The following SMAD1 variants were observed in gnomAD, a reference collection of about 807,000 sequenced individuals.
SMAD1 encodes the protein SMAD family member 1.
In SMAD1, 6 loss-of-function variants were observed where a neutral mutation model predicts 41.6. The ratio of observed to expected loss-of-function variants is 0.14; its 90% CI spans 0.08 to 0.28. SMAD1 has a LOEUF of 0.28. Ranked by LOEUF, SMAD1 falls within the 10% of genes least tolerant of loss-of-function variation. The pLI, the probability that SMAD1 is intolerant of heterozygous loss-of-function variation, is 1.00. For synonymous variants in SMAD1, 206 were observed against 203.2 expected, an observed-to-expected ratio of 1.01 and a Z score of -0.12; for missense variants, 379 against 582.6, an observed-to-expected ratio of 0.65 and a Z score of 3.60.
At chr4:145,506,691 A>G (rs1271324474) in intron 1 of SMAD1, among the ~76,000 whole-genome samples, 1 of 150,486 alleles carries the variant, frequency 6.6e-6, no homozygotes, top group East Asian at 1.9e-4. Context: ...AGGGTAATTA[A>G]AAAAAAACTT....
intron 5 of SMAD1, among the ~76,000 whole-genome samples, chr4:145,551,331 A>G (rs1732545134): frequency 6.6e-6 from 1 of 152,232 alleles, no homozygotes. Flanking sequence ...ATATATGCAA[A>G]CAGATTAATG....
chr4:145,553,896 T>A lies in SMAD1; in HGVS notation c.1110T>A (p.Thr370=). 6.2e-7 allele frequency: 1 copy of A among 1,614,192 alleles called. No individual in the cohort carries two copies. Among genetic ancestry groups the A allele is most frequent in the South Asian group, 1.1e-5 (1 of 91,084 alleles). ...CNYHHGFHPT[T]VCKIPSGCSL... ...ACCATCATGGATTTCATCCTACTAC[T>A]GTTTGCAAGATCCCTAGTGGGTGTA... Residue 370 remains threonine, a synonymous_variant, in exon 6 of 7, where the codon ACT becomes ACA. Coordinates refer to ENST00000302085, the MANE Select transcript of SMAD1 (RefSeq NM_005900.3).
At chr4:145,506,963 G>A (rs769433793) in intron 1 of SMAD1, among the ~76,000 whole-genome samples, 5 of 152,264 alleles carry the variant, frequency 3.3e-5, no homozygotes, top group Non-Finnish European at 7.4e-5. Context: ...GTGTCGAGTA[G>A]TATAAGAGTA....
chr4:145,488,347 T>C (rs1728595176), intron 1 of SMAD1, among the ~76,000 whole-genome samples: 1 of 151,968 alleles, frequency 6.6e-6, no homozygotes, highest in African/African-American at 2.4e-5. Flanking sequence ...TATACATAAG[T>C]TTTAATGCTT....
At chr4:145,549,986 A>G (rs1347669575) in intron 5 of SMAD1, among the ~76,000 whole-genome samples, 2 of 152,210 alleles carry the variant, frequency 1.3e-5, no homozygotes, top group Non-Finnish European at 2.9e-5. Flanking sequence ...CTCTTATCCC[A>G]AAGTAGCAAA....
chr4:145,512,848 G>T (rs1327136535), intron 1 of SMAD1, among the ~76,000 whole-genome samples: 1 of 152,152 alleles, frequency 6.6e-6, no homozygotes, highest in African/African-American at 2.4e-5. Flanking sequence ...CAGAGAATTT[G>T]TTTTTCTTCT....
intron 6 of SMAD1, among the ~76,000 whole-genome samples, chr4:145,557,571 A>G (rs554760568): frequency 3.3e-5 from 5 of 152,278 alleles, no homozygotes; most frequent in South Asian, 4.1e-4. Context: ...ATTGGAATCC[A>G]TGGATGGACC....
intron 2 of SMAD1, among the ~76,000 whole-genome samples, chr4:145,526,729 A>T (rs540555332): frequency 6.6e-6 from 1 of 152,176 alleles, no homozygotes; most frequent in Non-Finnish European, 1.5e-5. Context: ...ATTGCCAACC[A>T]GTAAATGTGG....
intron 1 of SMAD1, among the ~76,000 whole-genome samples, chr4:145,503,512 AGTTTT>A (rs1225635563): frequency 6.6e-6 from 1 of 151,780 alleles, no homozygotes; most frequent in Non-Finnish European, 1.5e-5. Flanking sequence ...CTTAGTGGTG[AGTTTT>A]ATTTAGCTAA....
At chr4:145,542,318 G>T (rs143929251) in intron 3 of SMAD1, among the ~76,000 whole-genome samples, 8 of 152,346 alleles carry the variant, frequency 5.3e-5, no homozygotes, top group African/African-American at 1.4e-4. Flanking sequence ...GCATGATCCT[G>T]CATAGGCAAA....
At chr4:145,552,667 C>T (rs773005264) in intron 5 of SMAD1, among the ~76,000 whole-genome samples, 8 of 152,082 alleles carry the variant, frequency 5.3e-5, no homozygotes, top group Admixed American at 6.6e-5. Flanking sequence ...TTACAGCTTT[C>T]GGCAATACTT....
At chr4:145,524,305 T>C (rs1244524916) in intron 2 of SMAD1, among the ~76,000 whole-genome samples, 1 of 152,218 alleles carries the variant, frequency 6.6e-6, no homozygotes, top group East Asian at 1.9e-4. Context: ...TAGGCAAATG[T>C]GAAGCTTGTT....
intron 2 of SMAD1, among the ~76,000 whole-genome samples, chr4:145,528,150 C>T (rs1011517623): frequency 2.6e-5 from 4 of 151,486 alleles, no homozygotes; most frequent in African/African-American, 7.3e-5. Flanking sequence ...GTCACCAGGG[C>T]TGGAGTGCAG....
chr4:145,541,733 C>T (rs1452397253), intron 3 of SMAD1, among the ~76,000 whole-genome samples: 1 of 152,146 alleles, frequency 6.6e-6, no homozygotes, highest in Non-Finnish European at 1.5e-5. Flanking sequence ...ATTACTTATC[C>T]AAACATTCAC....
At chr4:145,555,709 G>C (rs554225979) in intron 6 of SMAD1, among the ~76,000 whole-genome samples, 2 of 152,224 alleles carry the variant, frequency 1.3e-5, no homozygotes, top group African/African-American at 4.8e-5. Flanking sequence ...ATAATGCAAA[G>C]TTATGCATTC....
At chr4:145,497,663 T>C (rs1159371490) in intron 1 of SMAD1, 2 of 152,192 alleles carry the variant, frequency 1.3e-5, no homozygotes, top group Non-Finnish European at 2.9e-5. Flanking sequence ...AATTGGTAAA[T>C]AAATTACTTT....
chr4:145,510,083 T>G (rs1178716685), intron 1 of SMAD1, among the ~76,000 whole-genome samples: 2 of 152,194 alleles, frequency 1.3e-5, no homozygotes, highest in Non-Finnish European at 2.9e-5. Context: ...ATGCACCGTT[T>G]GCCATGACAG....
intron 3 of SMAD1, among the ~76,000 whole-genome samples, chr4:145,541,049 G>A (rs1171773970): frequency 6.6e-6 from 1 of 152,060 alleles, no homozygotes; most frequent in African/African-American, 2.4e-5. Flanking sequence ...TGGGATGAGG[G>A]TTGGGAGACA....
Position 145,558,717 on chromosome 4 carries a change from A to G in SMAD1, c.*783A>G, listed in dbSNP as rs945810296. Among the ~76,000 whole-genome samples, 25 of 115,156 alleles carry G rather than the reference A, an allele frequency of 2.2e-4. No homozygotes were observed. The highest frequency in any genetic ancestry group is 9.6e-5 in the Non-Finnish European group (5 of 51,912). The allele number at this position is 115,156 out of a possible 152,430, so 75.5% of individuals were successfully genotyped here. ...TTTGCTGTGTTTCCATTTTTTAGAG[A>G]TTTTTATCATTTTTTTCTCTCTCGG... On this transcript the variant is annotated 3_prime_UTR_variant, in exon 7 of 7. Transcript: ENST00000302085.
Sources: gnomAD v4.1 joint callset for allele counts (sites outside exome capture counted in the v4.1 genomes callset) on GRCh38, gnomAD v4.1.1 for gene constraint, MANE v1.5 for transcripts, NCBI Gene and HGNC (gene_info 2026-07-23, HGNC 2026-07-21) for gene names.